The following UBR7 variants were observed in gnomAD, a reference collection of about 807,000 sequenced individuals.
The protein encoded by UBR7 is ubiquitin protein ligase E3 component n-recognin 7, also known as putative E3 ubiquitin-protein ligase UBR7.
A neutral mutation model predicts 57.0 loss-of-function variants in UBR7; 22 were observed. That is an observed-to-expected ratio of 0.39 (90% CI 0.28 to 0.55). UBR7 has a LOEUF of 0.55. Ranked by LOEUF, UBR7 falls within the 20% of genes least tolerant of loss-of-function variation. The pLI, the probability that UBR7 is intolerant of heterozygous loss-of-function variation, is 0.69. For synonymous variants in UBR7, 167 were observed against 179.8 expected, an observed-to-expected ratio of 0.93 and a Z score of 0.57; for missense variants, 395 against 513.2, an observed-to-expected ratio of 0.77 and a Z score of 2.23.
intron 10 of UBR7, among the ~76,000 whole-genome samples, chr14:93,225,997 T>C (rs1175218402): frequency 6.6e-6 from 1 of 152,248 alleles, no homozygotes; most frequent in African/African-American, 2.4e-5. Flanking sequence ...AATTTTGAGC[T>C]GCAGTCATTT....
chr14:93,224,355 C>CCTACTTCCTT lies in UBR7; in HGVS notation c.1185+1982_1185+1991dup, dbSNP rs1894788872. 2.0e-5 allele frequency among the ~76,000 whole-genome samples: 3 copies of CCTACTTCCTT among 147,836 alleles called. No individual in the cohort carries two copies. The South Asian group carries it at 6.3e-4, about 31-fold the overall frequency. ...TTCTTCACTATCACTGAGAACAATT[C>CCTACTTCCTT]CTACTTCCTTACAGTTCTTTTTTTT... is the stretch of plus-strand genomic sequence containing the variant. On this transcript the variant is annotated intron_variant, in intron 10 of 10. Transcript: ENST00000013070.
At chr14:93,217,725 A>G (rs2140102866) in intron 6 of UBR7, among the ~76,000 whole-genome samples, 1 of 152,276 alleles carries the variant, frequency 6.6e-6, no homozygotes, top group East Asian at 1.9e-4. Context: ...AAGCGTTGGA[A>G]TTTTCTTTCT....
chr14:93,218,916 A>C (rs535657837), intron 7 of UBR7, among the ~76,000 whole-genome samples, 181 bp downstream of exon 7: 2 of 152,142 alleles, frequency 1.3e-5, no homozygotes, highest in Non-Finnish European at 2.9e-5. Context: ...CTAGCCAGGC[A>C]TGGTGGCACA....
At chr14:93,211,368 GA>G (rs1894478399) in intron 3 of UBR7, among the ~76,000 whole-genome samples, 1 of 61,572 alleles carries the variant, frequency 1.6e-5, no homozygotes, top group Admixed American at 1.4e-4. Context: ...CCATCATGGT[GA>G]AACCCCCCCG....
Position 93,228,379 on chromosome 14 carries a change from T to A in UBR7, c.*1344T>A, listed in dbSNP as rs532086618. On this transcript the variant is annotated 3_prime_UTR_variant, in exon 11 of 11. Coordinates refer to ENST00000013070, the MANE Select transcript of UBR7 (RefSeq NM_175748.4). Reference sequence around the variant, plus strand: ...TTTCCTGACAGTCGGAGACACACCTTGATGTATGTTAATAAAAGCATTTCA... The same window carrying A: ...TTTCCTGACAGTCGGAGACACACCTAGATGTATGTTAATAAAAGCATTTCA... 154 of 454,534 alleles carry A rather than the reference T, an allele frequency of 3.4e-4. No individual in the cohort carries two copies. Among genetic ancestry groups the A allele is most frequent in the African/African-American group, 2.8e-3 (139 of 50,128 alleles). 28.2% of individuals were successfully genotyped at this position (454,534 alleles called of 1,614,324 possible).
In UBR7 at chr14:93,216,363, A is replaced by G. The variant is rs138097834; in HGVS notation, c.601+1082A>G. Reference sequence around the variant, plus strand: ...GCCCAGTCTATCTGGTGCTTTTATTATACACTAAGAAATTAAATCAAAACA... The same window carrying G: ...GCCCAGTCTATCTGGTGCTTTTATTGTACACTAAGAAATTAAATCAAAACA... On this transcript the variant is annotated intron_variant, in intron 6 of 10. Coordinates refer to ENST00000013070, the MANE Select transcript of UBR7 (RefSeq NM_175748.4). Among the ~76,000 whole-genome samples the G allele has an allele frequency of 2.1e-3, 312 of 152,074 alleles. 1 individual carries two copies. The highest frequency in any genetic ancestry group is 7.2e-3 in the African/African-American group (297 of 41,518).
Position 93,226,929 on chromosome 14 carries a change from C to A in UBR7, c.1186-14C>A. On this transcript the variant is annotated splice_polypyrimidine_tract_variant and intron_variant, in intron 10 of 10. Transcript: ENST00000013070. ...ACTTAGTTCTCTTTCATAATCTTTG[C>A]TTTTCAAAAACAGGTTGTTAAGAGA... 1 of 1,601,902 alleles carries A rather than the reference C, an allele frequency of 6.2e-7. No individual in the cohort carries two copies.
rs562807926 is a variant in UBR7, at chr14:93,227,602, A to C, written c.*567A>C. 1.6e-3 allele frequency: 1,148 copies of C among 700,502 alleles called. 13 individuals are homozygous for C. The African/African-American group carries it at 0.018, about 11-fold the overall frequency. 43.4% of individuals were successfully genotyped at this position (700,502 alleles called of 1,614,324 possible). On this transcript the variant is annotated 3_prime_UTR_variant, in exon 11 of 11. Coordinates refer to ENST00000013070, the MANE Select transcript of UBR7 (RefSeq NM_175748.4). ...CTTGGGGCTTGTTTTCTCTAGGCCC[A>C]ACCTCCAGAGTAGCCAGGACTGATG...
At chr14:93,223,927 C>T in intron 10 of UBR7, 1 of 727,218 alleles carries the variant, frequency 1.4e-6, no homozygotes. Flanking sequence ...GCGGTGGGGA[C>T]TTCTCAAACA....
At chr14:93,210,949 G>T (rs8005689) in intron 3 of UBR7, among the ~76,000 whole-genome samples, 3,589 of 152,214 alleles carry the variant, frequency 0.024, 158 homozygotes, top group African/African-American at 0.083. Context: ...AGTAATTCAG[G>T]TTTAATTATA....
intron 10 of UBR7, among the ~76,000 whole-genome samples, chr14:93,223,394 C>CAAAAAA (rs34453404): frequency 2.1e-5 from 2 of 94,356 alleles, no homozygotes; most frequent in Non-Finnish European, 2.0e-5. Flanking sequence ...GACTCCATCT[C>CAAAAAA]AAAAAAAAAA....
chr14:93,218,498 T>C (rs1386650510), intron 6 of UBR7, 29 bp from the exon 7 acceptor site: 1 of 1,588,912 alleles, frequency 6.3e-7, no homozygotes, highest in South Asian at 1.1e-5. Context: ...TATGTGTGTA[T>C]GTGTTTTTCT....
chr14:93,224,409 T>C (rs1894793511), intron 10 of UBR7, among the ~76,000 whole-genome samples: 1 of 144,046 alleles, frequency 6.9e-6, no homozygotes, highest in Non-Finnish European at 1.5e-5. Flanking sequence ...GATGGAGTCT[T>C]GCTCTGTCGC....
intron 2 of UBR7, among the ~76,000 whole-genome samples, chr14:93,210,358 C>T (rs1469346270): frequency 6.6e-6 from 1 of 152,166 alleles, no homozygotes; most frequent in Non-Finnish European, 1.5e-5. Context: ...GCTGGGATTA[C>T]AGGCGTGAGC....
chr14:93,214,426 C>G (rs1001108320), intron 4 of UBR7, among the ~76,000 whole-genome samples: 2 of 152,178 alleles, frequency 1.3e-5, no homozygotes, highest in African/African-American at 4.8e-5. Context: ...TATTATTTTC[C>G]TAGGGCCAGC....
rs1259868195 is a variant in UBR7 at position 93,228,112 on chromosome 14, G to T, written c.*1077G>T. On this transcript the variant is annotated 3_prime_UTR_variant, in exon 11 of 11. Transcript: ENST00000013070. ...GACTGTGGAAGAGATTACAAACAAG[G>T]CCCGAGGCTGCACGAATGATGAGTT... 6.0e-6 allele frequency: 4 copies of T among 671,530 alleles called. No individual in the cohort carries two copies. Among genetic ancestry groups the T allele is most frequent in the Non-Finnish European group, 1.1e-5 (4 of 366,944 alleles). 41.6% of individuals were successfully genotyped at this position (671,530 alleles called of 1,614,324 possible).
At chr14:93,216,070 T>C (rs1894584731) in intron 6 of UBR7, among the ~76,000 whole-genome samples, 1 of 152,174 alleles carries the variant, frequency 6.6e-6, no homozygotes. Flanking sequence ...CCATTCCTCA[T>C]AGACAGATCC....
chr14:93,209,769 A>G, intron 1 of UBR7, 55 bp from the exon 2 acceptor site: 7 of 1,597,040 alleles, frequency 4.4e-6, no homozygotes, highest in Non-Finnish European at 6.0e-6. Context: ...TAGTGTGGGT[A>G]TTAGGTAAAC....
Position 93,207,309 on chromosome 14 carries a change from C to G in UBR7, c.18C>G (p.Gly6=). The G allele has an allele frequency of 1.3e-6, 2 of 1,556,554 alleles. No homozygotes were observed. Among genetic ancestry groups the G allele is most frequent in the Non-Finnish European group, 1.7e-6 (2 of 1,149,792 alleles). The part of the protein sequence containing the change: MAGAE[G]AAGRQSELEP... ...AGTTGAGGATGGCCGGAGCCGAGGG[C>G]GCCGCTGGGCGGCAGTCGGAGCTGG... The change falls in exon 1 of 11, where the codon GGC becomes GGG. Residue 6 remains glycine, a synonymous_variant. Transcript: ENST00000013070.
Sources: gnomAD v4.1 joint callset for allele counts (sites outside exome capture counted in the v4.1 genomes callset) on GRCh38, gnomAD v4.1.1 for gene constraint, MANE v1.5 for transcripts, NCBI Gene and HGNC (gene_info 2026-07-23, HGNC 2026-07-21) for gene names.